The following EIF3H variants were observed in gnomAD, a reference collection of about 807,000 sequenced individuals.
EIF3H encodes eukaryotic translation initiation factor 3 subunit H.
Under a neutral mutation model 44.2 loss-of-function variants are expected in EIF3H, and 26 were observed. The ratio of observed to expected loss-of-function variants is 0.59; its 90% confidence interval spans 0.43 to 0.82. The LOEUF (loss-of-function observed/expected upper bound fraction) is 0.82, where lower values mean the gene tolerates loss of function less well. Ranked by LOEUF, EIF3H falls within the 40% of genes least tolerant of loss-of-function variation. EIF3H has a pLI of 0.00. For synonymous variants in EIF3H, 166 were observed against 151.9 expected, an observed-to-expected ratio of 1.09 and a Z score of -0.68; for missense variants, 359 against 432.8, an observed-to-expected ratio of 0.83 and a Z score of 1.51.
At chr8:116,685,302 C>G (rs1023684057) in intron 2 of EIF3H, among the ~76,000 whole-genome samples, 2 of 152,182 alleles carry the variant, frequency 1.3e-5, no homozygotes, top group Non-Finnish European at 2.9e-5. Flanking sequence ...AATGTGAGAG[C>G]TGCAATCTCC....
chr8:116,751,602 A>C (rs1035585687), intron 1 of EIF3H, among the ~76,000 whole-genome samples: 1 of 152,268 alleles, frequency 6.6e-6, no homozygotes, highest in African/African-American at 2.4e-5. Context: ...AGATATCCAA[A>C]TAGTGACGTC....
At chr8:116,737,714 A>G (rs1815065350) in intron 1 of EIF3H, 1 of 153,498 alleles carries the variant, frequency 6.5e-6, no homozygotes, top group Non-Finnish European at 1.4e-5. Flanking sequence ...AAAACTTATT[A>G]CCTACATGCA....
chr8:116,764,604 T>G (rs1172853120), intron 1 of EIF3H, among the ~76,000 whole-genome samples: 2 of 152,190 alleles, frequency 1.3e-5, no homozygotes, highest in African/African-American at 4.8e-5. Context: ...ACAAGCACAC[T>G]AAGAGCTTTT....
At chr8:116,733,524 A>T (rs1182546184) in intron 1 of EIF3H, among the ~76,000 whole-genome samples, 2 of 152,212 alleles carry the variant, frequency 1.3e-5, no homozygotes, top group Non-Finnish European at 2.9e-5. Context: ...CACTCAGGAA[A>T]TCCTAAAGGT....
Position 116,645,036 on chromosome 8 carries a change from C to T in EIF3H, c.1029G>A (p.Met343Ile). ...FTAQNLGKLF[M>I]AQALQEYNN Reference sequence around the variant, plus strand: ...TGTTGTATTCTTGAAGAGCCTGGGCCATGAAGAGCTTGCCTAAGTTTTGGG... The same window carrying T: ...TGTTGTATTCTTGAAGAGCCTGGGCTATGAAGAGCTTGCCTAAGTTTTGGG... The change falls in exon 8 of 8, where the codon ATG becomes ATA. Residue 343 changes from methionine (M) to isoleucine (I), a missense_variant. Around this residue, in one of 5 missense-constraint regions of EIF3H, gnomAD observed 94 missense variants for 96.0 expected, o/e 0.98. Coordinates refer to ENST00000521861, the MANE Select transcript of EIF3H (RefSeq NM_003756.3). The T allele has an allele frequency of 6.2e-7, 1 of 1,614,066 alleles. No homozygotes were observed. The highest frequency in any genetic ancestry group is 8.5e-7 in the Non-Finnish European group (1 of 1,179,990).
intron 2 of EIF3H, among the ~76,000 whole-genome samples, chr8:116,694,696 A>G (rs945269463): frequency 1.3e-5 from 2 of 152,144 alleles, no homozygotes; most frequent in Admixed American, 1.3e-4. Flanking sequence ...CTGTTTCACA[A>G]TTTTTTTGTT....
intron 2 of EIF3H, among the ~76,000 whole-genome samples, chr8:116,701,726 A>G (rs1814378772): frequency 1.3e-5 from 2 of 152,214 alleles, no homozygotes; most frequent in African/African-American, 4.8e-5. Flanking sequence ...AATGTATAAA[A>G]CAGCTGACAA....
intron 2 of EIF3H, among the ~76,000 whole-genome samples, chr8:116,680,624 GGCAGCATGCTCGTT>G (rs1472983753): frequency 8.2e-6 from 1 of 121,464 alleles, no homozygotes; most frequent in African/African-American, 3.2e-5. Flanking sequence ...GATGCTTGAA[GGCAGCATGCTCGTT>G]AAGAGTCATC....
chr8:116,684,732 C>T (rs1469754581), intron 2 of EIF3H, among the ~76,000 whole-genome samples: 2 of 152,156 alleles, frequency 1.3e-5, no homozygotes, highest in East Asian at 3.8e-4. Context: ...GAACTGTACA[C>T]ATACACTACA....
intron 2 of EIF3H, among the ~76,000 whole-genome samples, chr8:116,707,356 G>T (rs1309023187): frequency 1.3e-5 from 2 of 152,128 alleles, no homozygotes; most frequent in African/African-American, 4.8e-5. Context: ...TAGTGAAGTT[G>T]ATATTGTTAT....
chr8:116,689,763 A>T (rs1478081846), intron 2 of EIF3H, among the ~76,000 whole-genome samples: 1 of 152,200 alleles, frequency 6.6e-6, no homozygotes, highest in Non-Finnish European at 1.5e-5. Context: ...AATCATCAAG[A>T]ACGCTGGAAA....
rs189264605 is a variant in EIF3H at position 116,645,873 on chromosome 8, G to C, written c.961+598C>G. 1.8e-4 allele frequency among the ~76,000 whole-genome samples: 28 copies of C among 152,296 alleles called. No individual in the cohort carries two copies. In the East Asian group the frequency reaches 4.4e-3, roughly 24 times the overall value. On this transcript the variant is annotated intron_variant, in intron 7 of 7. Coordinates refer to ENST00000521861, the MANE Select transcript of EIF3H (RefSeq NM_003756.3). The stretch of plus-strand genomic sequence containing the variant: ...TCACTTTGATAAAATCTTCTCACAG[G>C]TAAGGATCTGACTGAATCAGATGGC...
chr8:116,689,403 A>C (rs1004290100), intron 2 of EIF3H, among the ~76,000 whole-genome samples: 1 of 152,200 alleles, frequency 6.6e-6, no homozygotes. Context: ...TGAACTATAG[A>C]GTATAATAAT....
chr8:116,691,869 C>CAA (rs373127282), intron 2 of EIF3H, among the ~76,000 whole-genome samples: 8,551 of 134,238 alleles, frequency 0.064, 397 homozygotes, highest in Admixed American at 0.15. Flanking sequence ...AAGACTGTCT[C>CAA]AAAAAAAAAA....
intron 2 of EIF3H, among the ~76,000 whole-genome samples, chr8:116,688,832 G>T (rs1247956659): frequency 5.3e-5 from 8 of 152,176 alleles, no homozygotes; most frequent in Admixed American, 1.3e-4. Context: ...CTAATGGGTA[G>T]TATCTTGATT....
At chr8:116,699,151 T>C (rs999594846) in intron 2 of EIF3H, among the ~76,000 whole-genome samples, 2 of 146,178 alleles carry the variant, frequency 1.4e-5, no homozygotes, top group Non-Finnish European at 3.0e-5. Context: ...AAAAAAAAAA[T>C]TGAATACACA....
chr8:116,648,604 C>A (rs1390473142), intron 6 of EIF3H, among the ~76,000 whole-genome samples: 1 of 152,144 alleles, frequency 6.6e-6, no homozygotes, highest in African/African-American at 2.4e-5. Flanking sequence ...TAACAGCTCT[C>A]TTTAACACAG....
At chr8:116,685,724 G>C (rs1380898657) in intron 2 of EIF3H, among the ~76,000 whole-genome samples, 2 of 152,162 alleles carry the variant, frequency 1.3e-5, no homozygotes, top group Non-Finnish European at 2.9e-5. Context: ...CAGCAGCCTT[G>C]CTCCTCCATT....
chr8:116,764,634 T>C (rs529493468), intron 1 of EIF3H, among the ~76,000 whole-genome samples: 1 of 152,362 alleles, frequency 6.6e-6, no homozygotes, highest in African/African-American at 2.4e-5. Context: ...CCCAGGACCT[T>C]GTTTTGAGAA....
Sources: allele counts gnomAD v4.1 joint callset (sites outside exome capture counted in the v4.1 genomes callset), GRCh38; gene constraint gnomAD v4.1.1; regional missense constraint gnomAD v4.1.1; transcripts MANE v1.5; gene names NCBI Gene and HGNC (gene_info 2026-07-23, HGNC 2026-07-21).